ATG10: variants seen among roughly 807,000 people sequenced by gnomAD.
ATG10 encodes the protein autophagy related 10, also known as ubiquitin-like-conjugating enzyme ATG10.
A neutral mutation model predicts 32.1 loss-of-function variants in ATG10; 30 were observed. The observed-to-expected ratio is 0.94, with a 90% CI of 0.70 to 1.27. ATG10 has a LOEUF of 1.27. Ranked by LOEUF, ATG10 falls within the 50% of genes most tolerant of loss-of-function variation. The pLI is 0.00. For synonymous variants in ATG10, 87 were observed against 91.5 expected, an observed-to-expected ratio of 0.95 and a Z score of 0.28; for missense variants, 233 against 262.3, an observed-to-expected ratio of 0.89 and a Z score of 0.77.
At chr5:81,994,709 T>C (rs950395794) in intron 2 of ATG10, among the ~76,000 whole-genome samples, 2 of 152,212 alleles carry the variant, frequency 1.3e-5, no homozygotes, top group Non-Finnish European at 2.9e-5. Flanking sequence ...TTGATATCTT[T>C]ATAGTCACTG....
At chr5:82,121,341 C>T (rs1428065249) in intron 3 of ATG10, among the ~76,000 whole-genome samples, 1 of 152,194 alleles carries the variant, frequency 6.6e-6, no homozygotes, top group Non-Finnish European at 1.5e-5. Flanking sequence ...AGTTGTTTGT[C>T]AGCTGAAGGA....
chr5:82,223,919 A>G lies in ATG10; in HGVS notation c.454-28643A>G, dbSNP rs561190478. Among the ~76,000 whole-genome samples, 184 of 152,296 alleles carry G rather than the reference A, an allele frequency of 1.2e-3. 4 individuals carry two copies. The highest frequency in any genetic ancestry group is 6.5e-4 in the Admixed American group (10 of 15,298). ...GTATTCGAGATAGGGGGATGAACCC[A>G]GAGGTGAGGAAACACTAGTCATCCT... On this transcript the variant is annotated intron_variant, in intron 5 of 7. Transcript: ENST00000282185.
intron 5 of ATG10, among the ~76,000 whole-genome samples, chr5:82,195,352 C>T (rs1040144965): frequency 6.6e-6 from 1 of 152,178 alleles, no homozygotes; most frequent in Non-Finnish European, 1.5e-5. Context: ...TATAGCATAA[C>T]CAACCAGTCA....
chr5:82,166,258 TA>T (rs1190579485), intron 4 of ATG10, among the ~76,000 whole-genome samples: 1 of 152,244 alleles, frequency 6.6e-6, no homozygotes, highest in Non-Finnish European at 1.5e-5. Context: ...TGTATACTTT[TA>T]CAATGCCCTC....
intron 1 of ATG10, among the ~76,000 whole-genome samples, chr5:81,985,169 A>G (rs536847837): frequency 6.6e-6 from 1 of 152,312 alleles, no homozygotes; most frequent in South Asian, 2.1e-4. Context: ...TACTTTGTTC[A>G]GTTTTGTTAC....
At chr5:82,167,717 C>T (rs896454754) in intron 4 of ATG10, among the ~76,000 whole-genome samples, 2 of 152,182 alleles carry the variant, frequency 1.3e-5, no homozygotes, top group African/African-American at 4.8e-5. Flanking sequence ...CTTCTATAAA[C>T]ACGTATTTTT....
intron 5 of ATG10, among the ~76,000 whole-genome samples, chr5:82,184,755 T>A (rs1214667428): frequency 6.6e-6 from 1 of 152,238 alleles, no homozygotes; most frequent in Non-Finnish European, 1.5e-5. Flanking sequence ...TTATTTTATT[T>A]TTTAAAAAGC....
At chr5:82,084,772 A>C (rs1357085054) in intron 3 of ATG10, among the ~76,000 whole-genome samples, 1 of 152,178 alleles carries the variant, frequency 6.6e-6, no homozygotes, top group Non-Finnish European at 1.5e-5. Context: ...CATTACAGAC[A>C]AGCAAATGTT....
At chr5:82,106,254 G>A (rs1765440721) in intron 3 of ATG10, among the ~76,000 whole-genome samples, 1 of 152,144 alleles carries the variant, frequency 6.6e-6, no homozygotes, top group Non-Finnish European at 1.5e-5. Flanking sequence ...AGATCAAACA[G>A]CGTATGAAAA....
intron 1 of ATG10, among the ~76,000 whole-genome samples, chr5:81,983,450 C>T (rs1257859696): frequency 4.3e-5 from 6 of 138,092 alleles, no homozygotes; most frequent in South Asian, 2.3e-4. Context: ...GGTGGCTGGC[C>T]GGGCGGGGGT....
intron 2 of ATG10, among the ~76,000 whole-genome samples, chr5:82,042,477 C>T (rs182847591): frequency 3.3e-5 from 5 of 152,276 alleles, no homozygotes; most frequent in Non-Finnish European, 5.9e-5. Context: ...GTCCTTCTCA[C>T]ATTGCAAAAT....
intron 3 of ATG10, among the ~76,000 whole-genome samples, chr5:82,138,082 A>C (rs1181862522): frequency 1.3e-5 from 2 of 152,156 alleles, no homozygotes; most frequent in African/African-American, 4.8e-5. Flanking sequence ...GTCCCCAGCA[A>C]GCTTGAGTGT....
At chr5:82,253,247 G>A (rs1747332787) in intron 6 of ATG10, 67 bp from the exon 7 acceptor site, 2 of 1,062,800 alleles carry the variant, frequency 1.9e-6, no homozygotes, top group Non-Finnish European at 2.9e-6. Context: ...ACCAACTGAT[G>A]TTCTACCATT....
In ATG10 at chr5:81,972,123, C is replaced by T. The variant is rs905009083; in HGVS notation, c.-196C>T. On this transcript the variant is annotated 5_prime_UTR_variant, in exon 1 of 8. Transcript: ENST00000282185. ...GCCACTTCTGGTTGGCCTCGGGGCGCGCTGGCTCGGCTCTTCCTCCGCCCT... is the reference window on the plus strand; with the variant it reads ...GCCACTTCTGGTTGGCCTCGGGGCGTGCTGGCTCGGCTCTTCCTCCGCCCT... 2.6e-5 allele frequency: 4 copies of T among 152,228 alleles called. No homozygotes were observed. Among genetic ancestry groups the T allele is most frequent in the Non-Finnish European group, 5.9e-5 (4 of 68,054 alleles). The allele number at this position is 152,228 out of a possible 1,614,324, so 9.4% of individuals were successfully genotyped here.
chr5:82,016,300 T>C (rs1169928798), intron 2 of ATG10, among the ~76,000 whole-genome samples: 1 of 152,218 alleles, frequency 6.6e-6, no homozygotes, highest in Non-Finnish European at 1.5e-5. Flanking sequence ...CTTTTACATG[T>C]GGCTTGCCGA....
chr5:82,054,084 G>A (rs1238646614), intron 2 of ATG10, among the ~76,000 whole-genome samples: 1 of 152,060 alleles, frequency 6.6e-6, no homozygotes, highest in African/African-American at 2.4e-5. Flanking sequence ...TTCAAAAGAG[G>A]GTCTCCAAGG....
chr5:82,232,644 T>C (rs1746406608), intron 5 of ATG10, among the ~76,000 whole-genome samples: 1 of 152,326 alleles, frequency 6.6e-6, no homozygotes, highest in East Asian at 1.9e-4. Context: ...CCATCTTTAC[T>C]GTCTTCACCC....
chr5:81,983,796 A>G (rs1402265933), intron 1 of ATG10, among the ~76,000 whole-genome samples: 2 of 148,054 alleles, frequency 1.4e-5, no homozygotes, highest in African/African-American at 5.0e-5. Flanking sequence ...TGGGGCGGCC[A>G]GGCAGAGACG....
intron 2 of ATG10, among the ~76,000 whole-genome samples, chr5:82,017,175 A>G (rs1161127992): frequency 6.9e-6 from 1 of 144,554 alleles, no homozygotes; most frequent in Non-Finnish European, 1.5e-5. Context: ...TTTTGCGGCT[A>G]TTGTAAAAGG....
Sources: allele counts gnomAD v4.1 joint callset (sites outside exome capture counted in the v4.1 genomes callset), GRCh38; gene constraint gnomAD v4.1.1; transcripts MANE v1.5; gene names NCBI Gene and HGNC (gene_info 2026-07-23, HGNC 2026-07-21).